The following PCDHGA9 variants were observed in gnomAD, a reference collection of about 807,000 sequenced individuals.
PCDHGA9 encodes the protein protocadherin gamma subfamily A, 9.
In PCDHGA9, 37 loss-of-function variants were observed where a neutral mutation model predicts 62.5. The observed-to-expected ratio is 0.59, with a 90% CI of 0.46 to 0.78. PCDHGA9 has a LOEUF of 0.78. PCDHGA9 is among the 30% of genes least tolerant of loss of function. The pLI, the probability that PCDHGA9 is intolerant of heterozygous loss-of-function variation, is 0.00. For missense variants in PCDHGA9, 1,138 were observed against 1,166.2 expected, an observed-to-expected ratio of 0.98 and a Z score of 0.35; for synonymous variants, 459 against 484.6, an observed-to-expected ratio of 0.95 and a Z score of 0.69.
rs764742899 is a variant in PCDHGA9, at chr5:141,487,062, C to T, written c.2425-7745C>T. On this transcript the variant is annotated intron_variant, in intron 1 of 3. Transcript: ENST00000573521. This position sits in a 1 kb window ranked among gnomAD's most constrained non-coding sequence, Gnocchi z 5.0. Reference sequence around the variant, plus strand: ...TCTCGATATGCTGGGGAGGTGCGGACGGCTGTTCCTATCCCAGCTGACCTC... The same window carrying T: ...TCTCGATATGCTGGGGAGGTGCGGATGGCTGTTCCTATCCCAGCTGACCTC... 2.8e-5 allele frequency: 45 copies of T among 1,613,980 alleles called. No homozygotes were observed. Among genetic ancestry groups the T allele is most frequent in the East Asian group, 1.3e-4 (6 of 44,874 alleles).
chr5:141,423,630 T>C, intron 1 of PCDHGA9: 1 of 1,603,994 alleles, frequency 6.2e-7, no homozygotes, highest in Non-Finnish European at 8.5e-7. Flanking sequence ...CAGCTATCAT[T>C]TTAGGCAAAT....
intron 1 of PCDHGA9, chr5:141,411,407 A>G (rs2154543610): frequency 6.6e-6 from 1 of 151,868 alleles, no homozygotes; most frequent in East Asian, 1.9e-4. Context: ...CCCCATCTCT[A>G]CTAAAACAAC....
rs1161697588 is a variant in PCDHGA9, at chr5:141,491,464, T to C, written c.2425-3343T>C. 7 of 1,613,982 alleles carry C rather than the reference T, an allele frequency of 4.3e-6. No homozygotes were observed. In the African/African-American group the frequency reaches 9.3e-5, roughly 22 times the overall value. On this transcript the variant is annotated intron_variant, in intron 1 of 3. Transcript: ENST00000573521. This position sits in a 1 kb window ranked among gnomAD's most constrained non-coding sequence, Gnocchi z 6.9. ...CCAGGACTCACCCTCCCCGGACTTCTATAAGCAGTCCAGCCCCAACCTGCA... is the reference window on the plus strand; with the variant it reads ...CCAGGACTCACCCTCCCCGGACTTCCATAAGCAGTCCAGCCCCAACCTGCA...
At chr5:141,410,492 T>C in intron 1 of PCDHGA9, 2 of 1,613,912 alleles carry the variant, frequency 1.2e-6, no homozygotes, top group Non-Finnish European at 1.7e-6. Flanking sequence ...TACAAAAGAG[T>C]TTAATTTCCT....
chr5:141,421,567 A>G (rs1202908091), intron 1 of PCDHGA9: 27 of 1,613,972 alleles, frequency 1.7e-5, no homozygotes, highest in Non-Finnish European at 2.2e-5. Context: ...CGTGGAAGAC[A>G]CCTTGAAGAT....
At position 141,511,410 on chromosome 5, in the gene PCDHGA9, T is replaced by A; in HGVS notation, c.*237T>A. The stretch of plus-strand genomic sequence containing the variant: ...GGAACCCCCATCCAATCAACTGCTG[T>A]ACCCATGGGGGTAGTGGGGTTACTG... On this transcript the variant is annotated 3_prime_UTR_variant, in exon 4 of 4. Coordinates refer to ENST00000573521, the MANE Select transcript of PCDHGA9 (RefSeq NM_018921.3). 1 of 908,820 alleles carries A rather than the reference T, an allele frequency of 1.1e-6. No individual in the cohort carries two copies. The highest frequency in any genetic ancestry group is 1.6e-6 in the Non-Finnish European group (1 of 624,202). 56.3% of individuals were successfully genotyped at this position (908,820 alleles called of 1,614,324 possible). A position where few individuals can be genotyped will look rare whatever the true frequency, so the allele number is the denominator to read the frequency against.
intron 1 of PCDHGA9, among the ~76,000 whole-genome samples, chr5:141,455,204 T>G (rs1173402170): frequency 6.6e-6 from 1 of 152,052 alleles, no homozygotes; most frequent in Admixed American, 6.6e-5. Context: ...TTACAACCAA[T>G]AAGAGTTTTT....
In PCDHGA9 at chr5:141,476,254, T is replaced by C; in HGVS notation, c.2425-18553T>C. 1.2e-6 allele frequency: 2 copies of C among 1,613,820 alleles called. No individual in the cohort carries two copies. Among genetic ancestry groups the C allele is most frequent in the Non-Finnish European group, 8.5e-7 (1 of 1,179,976 alleles). On this transcript the variant is annotated intron_variant, in intron 1 of 3. Transcript: ENST00000573521. The surrounding 1 kb of genome is among the most constrained non-coding windows in gnomAD (Gnocchi z 7.6). ...CGGAGGAAAGAGAGAAGGGTTTCGCTGTGGGCAACGTGGTCGCGAACCTTG... is the reference window on the plus strand; with the variant it reads ...CGGAGGAAAGAGAGAAGGGTTTCGCCGTGGGCAACGTGGTCGCGAACCTTG...
intron 1 of PCDHGA9, chr5:141,409,618 G>C: frequency 6.2e-7 from 1 of 1,613,894 alleles, no homozygotes; most frequent in Non-Finnish European, 8.5e-7. Context: ...CCTCCATTGC[G>C]CAAGTGAGCG....
intron 1 of PCDHGA9, among the ~76,000 whole-genome samples, chr5:141,451,854 C>T (rs1243479409): frequency 6.6e-6 from 1 of 152,058 alleles, no homozygotes; most frequent in Non-Finnish European, 1.5e-5. Flanking sequence ...CCACTCCAGC[C>T]TAGGCCACAG....
chr5:141,428,124 C>T, intron 1 of PCDHGA9: 1 of 1,605,400 alleles, frequency 6.2e-7, no homozygotes, highest in South Asian at 1.1e-5. Context: ...CGAGCCCGGG[C>T]TTTTCAGCCT....
At chr5:141,483,187 GTTT>G (rs899657161) in intron 1 of PCDHGA9, among the ~76,000 whole-genome samples, 2 of 152,172 alleles carry the variant, frequency 1.3e-5, no homozygotes, top group African/African-American at 4.8e-5. Flanking sequence ...AAGCCAAGGA[GTTT>G]TTATTTTATT....
intron 1 of PCDHGA9, chr5:141,423,023 C>G (rs1410040994): frequency 6.2e-7 from 1 of 1,614,222 alleles, no homozygotes; most frequent in Non-Finnish European, 8.5e-7. Context: ...GACAAAGATT[C>G]AGGCCAGAAC....
intron 1 of PCDHGA9, chr5:141,417,116 C>A (rs1407873769): frequency 6.6e-6 from 1 of 151,954 alleles, no homozygotes; most frequent in Non-Finnish European, 1.5e-5. Context: ...ATACAGGACA[C>A]CCTGGATGAT....
chr5:141,488,046 G>A (rs958459817), intron 1 of PCDHGA9, among the ~76,000 whole-genome samples: 1 of 152,182 alleles, frequency 6.6e-6, no homozygotes, highest in African/African-American at 2.4e-5. Flanking sequence ...CCAAGGGATT[G>A]AGGGGAAATA....
chr5:141,409,833 C>G (rs973436075), intron 1 of PCDHGA9: 2 of 1,611,368 alleles, frequency 1.2e-6, no homozygotes, highest in Non-Finnish European at 1.7e-6. Context: ...ACGCTCAGCG[C>G]CAACGTGAGC....
In PCDHGA9 at chr5:141,432,518, C is replaced by T. The variant is rs1314948517; in HGVS notation, c.2424+27142C>T. 6.2e-7 allele frequency: 1 copy of T among 1,614,126 alleles called. No homozygotes were observed. The highest frequency in any genetic ancestry group is 8.5e-7 in the Non-Finnish European group (1 of 1,180,024). On this transcript the variant is annotated intron_variant, in intron 1 of 3. Coordinates refer to ENST00000573521, the MANE Select transcript of PCDHGA9 (RefSeq NM_018921.3). This position sits in a 1 kb window ranked among gnomAD's most constrained non-coding sequence, Gnocchi z 6.0. The stretch of plus-strand genomic sequence containing the variant: ...TCCCCGCTCCGCAGAGCCCGGCTAC[C>T]TGGTGACCAAGGTGGTGGCGGTGGA...
chr5:141,463,097 C>A (rs1333118215), intron 1 of PCDHGA9, among the ~76,000 whole-genome samples: 2 of 152,152 alleles, frequency 1.3e-5, no homozygotes, highest in East Asian at 3.8e-4. Context: ...CCCTATGTGA[C>A]CATCAAGAAT....
At chr5:141,456,574 T>G (rs373414652) in intron 1 of PCDHGA9, among the ~76,000 whole-genome samples, 3 of 152,198 alleles carry the variant, frequency 2.0e-5, no homozygotes, top group South Asian at 4.1e-4. Flanking sequence ...ACATTTTCCC[T>G]GAGCCTGTCA....
Sources: allele counts gnomAD v4.1 joint callset (sites outside exome capture counted in the v4.1 genomes callset), GRCh38; gene constraint gnomAD v4.1.1; non-coding constraint Gnocchi (gnomAD v3.1); transcripts MANE v1.5; gene names NCBI Gene and HGNC (gene_info 2026-07-23, HGNC 2026-07-21).